ETF1: variants seen among roughly 807,000 people sequenced by gnomAD.
The protein encoded by ETF1 is eukaryotic translation termination factor 1, also known as eukaryotic peptide chain release factor subunit 1.
ETF1 carries 4 observed loss-of-function variants against 55.1 expected under a neutral mutation model. The observed-to-expected ratio is 0.07, with a 90% CI of 0.04 to 0.17. The LOEUF is 0.17. Ranked by LOEUF, ETF1 falls within the 10% of genes least tolerant of loss-of-function variation. ETF1 has a pLI of 1.00. For missense variants in ETF1, 142 were observed against 523.6 expected (o/e 0.27, Z 7.11); for synonymous variants, 157 against 182.3 (o/e 0.86, Z 1.12).
chr5:138,518,738 C>G lies in ETF1; in HGVS notation c.216G>C (p.Leu72=), dbSNP rs760162264. 1.2e-5 allele frequency: 20 copies of G among 1,613,770 alleles called. No homozygotes were observed. The South Asian group carries it at 2.2e-4, about 18-fold the overall frequency. Residue 72 remains leucine, a synonymous_variant, in exon 3 of 11, where the codon CTG becomes CTC. Coordinates refer to ENST00000360541, the MANE Select transcript of ETF1 (RefSeq NM_004730.4). ...TTTGTTGTACAGATGTAATGGCTCC[C>G]AGGACTGAAAGGCGGTTTACTCGTG... The part of the protein sequence containing the change: ...IKSRVNRLSV[L]GAITSVQQRL...
intron 2 of ETF1, among the ~76,000 whole-genome samples, chr5:138,520,645 C>T (rs977869579): frequency 6.6e-6 from 1 of 152,000 alleles, no homozygotes; most frequent in Non-Finnish European, 1.5e-5. Flanking sequence ...TAATGAGGCC[C>T]CCATCTGTAC....
chr5:138,535,770 C>T (rs922914954), intron 2 of ETF1, among the ~76,000 whole-genome samples: 3 of 145,658 alleles, frequency 2.1e-5, no homozygotes, highest in African/African-American at 7.6e-5. Context: ...CACCTGTAAT[C>T]CCAGCTACTC....
At chr5:138,543,051 G>T in intron 1 of ETF1, 46 bp downstream of exon 1, 1 of 891,768 alleles carries the variant, frequency 1.1e-6, no homozygotes, top group Non-Finnish European at 1.7e-6. Flanking sequence ...CCCGTCCGGT[G>T]CAGCTCGCCA....
intron 3 of ETF1, 124 bp downstream of exon 3, chr5:138,518,568 G>T: frequency 2.5e-6 from 2 of 802,104 alleles, no homozygotes; most frequent in Non-Finnish European, 4.0e-6. Flanking sequence ...AACCACCAAG[G>T]CCAAAGAGAC....
At position 138,508,400 on chromosome 5, in the gene ETF1, A is replaced by C. The variant is rs769783427; in HGVS notation, c.1232-13T>G. ...TACCGCAAGATACCTGGGGAAACAA[A>C]CCAAAAGGTAAATTACCTGTGTTCA... is the stretch of plus-strand genomic sequence containing the variant. On this transcript the variant is annotated splice_polypyrimidine_tract_variant and intron_variant, in intron 10 of 10. Coordinates refer to ENST00000360541, the MANE Select transcript of ETF1 (RefSeq NM_004730.4). 1 of 1,613,462 alleles carries C rather than the reference A, an allele frequency of 6.2e-7. No individual in the cohort carries two copies. The highest frequency in any genetic ancestry group is 8.5e-7 in the Non-Finnish European group (1 of 1,179,676).
Position 138,512,242 on chromosome 5 carries a change from ATATATATATATATATATTTTTTT to A in ETF1, c.732+499_732+521del, listed in dbSNP as rs1410714501. 4.2e-3 allele frequency among the ~76,000 whole-genome samples: 29 copies of A among 6,882 alleles called. 2 individuals carry two copies. The East Asian group carries it at 0.11, about 27-fold the overall frequency. The allele number at this position is 6,882 out of a possible 152,430, so 4.5% of individuals were successfully genotyped here. A position where few individuals can be genotyped will look rare whatever the true frequency, so the allele number is the denominator to read the frequency against. ...AAAAAAAAAATATATATATATATAT[ATATATATATATATATATTTTTTT>A]TTTTTTTTAAAGGCAATTTCTTTGG... On this transcript the variant is annotated intron_variant, in intron 6 of 10. Transcript: ENST00000360541.
At chr5:138,533,745 G>A (rs1237868521) in intron 2 of ETF1, among the ~76,000 whole-genome samples, 1 of 152,156 alleles carries the variant, frequency 6.6e-6, no homozygotes, top group Non-Finnish European at 1.5e-5. Flanking sequence ...GAACTAATGT[G>A]CCTTAAATTG....
intron 2 of ETF1, among the ~76,000 whole-genome samples, chr5:138,534,338 C>T (rs1765826900): frequency 6.6e-6 from 1 of 152,174 alleles, no homozygotes; most frequent in African/African-American, 2.4e-5. Flanking sequence ...TCTTCACAAA[C>T]CCAGTGGAAT....
chr5:138,538,368 T>G (rs1766034068), intron 2 of ETF1, among the ~76,000 whole-genome samples: 1 of 151,972 alleles, frequency 6.6e-6, no homozygotes, highest in Admixed American at 6.6e-5. Flanking sequence ...TTTTGTATTT[T>G]TAGTAGAGAC....
At chr5:138,525,227 G>A (rs955582474) in intron 2 of ETF1, among the ~76,000 whole-genome samples, 3 of 151,086 alleles carry the variant, frequency 2.0e-5, no homozygotes, top group African/African-American at 7.3e-5. Context: ...GGGCGATCTT[G>A]GCTTGCTGCA....
At chr5:138,541,012 G>A (rs958429575) in intron 2 of ETF1, among the ~76,000 whole-genome samples, 1 of 152,182 alleles carries the variant, frequency 6.6e-6, no homozygotes, top group African/African-American at 2.4e-5. Flanking sequence ...CTGTTTCAGA[G>A]AATATAACGT....
chr5:138,532,654 T>C (rs1765750833), intron 2 of ETF1, among the ~76,000 whole-genome samples: 1 of 152,204 alleles, frequency 6.6e-6, no homozygotes, highest in South Asian at 2.1e-4. Flanking sequence ...AGCTGATTTT[T>C]TGTAGCAGAT....
chr5:138,512,259 T>TATATTATTTTATATATATATA (rs57032066), intron 6 of ETF1, among the ~76,000 whole-genome samples: 5 of 15,794 alleles, frequency 3.2e-4, no homozygotes, highest in African/African-American at 1.5e-3. Flanking sequence ...TATATATATA[T>TATATTATTTTATATATATATA]TTTTTTTTTT....
chr5:138,512,764 C>G lies in ETF1; in HGVS notation c.732G>C (p.Gln244His). 1 of 1,582,972 alleles carries G rather than the reference C, an allele frequency of 6.3e-7. No individual in the cohort carries two copies. Among genetic ancestry groups the G allele is most frequent in the Non-Finnish European group, 8.5e-7 (1 of 1,169,680 alleles). The part of the protein sequence containing the change: ...TELSQSDMFD[Q>H]RLQSKVLKLV... ...AATAAAGCATCTACTTCTTACTTAC[C>G]TGATCAAACATATCAGATTGACTTA... The change falls in exon 6 of 11, where the codon CAG becomes CAC. Residue 244 changes from glutamine to histidine, a missense_variant and splice_region_variant. This residue lies in a region of ETF1 where 82 missense variants were observed against 232.9 expected (regional missense o/e 0.35). Transcript: ENST00000360541.
Position 138,512,782 on chromosome 5 carries a change from T to C in ETF1, c.714A>G (p.Gln238=), listed in dbSNP as rs1013086303. 10 of 1,592,016 alleles carry C rather than the reference T, an allele frequency of 6.3e-6. No homozygotes were observed. In the African/African-American group the frequency reaches 9.5e-5, roughly 15 times the overall value. The change falls in exon 6 of 11, where the codon CAA becomes CAG. Residue 238 remains glutamine, a synonymous_variant. Transcript: ENST00000360541. The part of the protein sequence containing the change: ...GSADFKTELS[Q]SDMFDQRLQS... ...TACTTACCTGATCAAACATATCAGA[T>C]TGACTTAGTTCAGTTTTAAAGTCAG...
At chr5:138,512,269 T>A (rs1483031916) in intron 6 of ETF1, among the ~76,000 whole-genome samples, 304 of 78,042 alleles carry the variant, frequency 3.9e-3, no homozygotes, top group East Asian at 0.017. Context: ...TTTTTTTTTT[T>A]TTTTAAAGGC....
intron 2 of ETF1, among the ~76,000 whole-genome samples, chr5:138,535,395 A>G (rs1407240620): frequency 6.7e-6 from 1 of 148,982 alleles, no homozygotes; most frequent in Non-Finnish European, 1.5e-5. Flanking sequence ...CAGTGGCACG[A>G]TCTCGGCTCA....
intron 6 of ETF1, chr5:138,511,907 G>A (rs1295769295): frequency 1.0e-6 from 1 of 985,038 alleles, no homozygotes; most frequent in Non-Finnish European, 1.2e-6. Flanking sequence ...GGTAGTAGAG[G>A]TTAAGACGGG....
At chr5:138,524,633 A>AGT (rs1366097558) in intron 2 of ETF1, among the ~76,000 whole-genome samples, 1 of 137,778 alleles carries the variant, frequency 7.3e-6, no homozygotes, top group Non-Finnish European at 1.5e-5. Context: ...GCTGCAGTGC[A>AGT]GTGGCGCGAT....
Sources: allele counts gnomAD v4.1 joint callset (sites outside exome capture counted in the v4.1 genomes callset), GRCh38; gene constraint gnomAD v4.1.1; regional missense constraint gnomAD v4.1.1; transcripts MANE v1.5; gene names NCBI Gene and HGNC (gene_info 2026-07-23, HGNC 2026-07-21).